The following SULF2 variants were observed in gnomAD, a reference collection of about 807,000 sequenced individuals.
SULF2 encodes the protein sulfatase 2.
A neutral mutation model predicts 107.7 loss-of-function variants in SULF2; 52 were observed. That is an observed-to-expected ratio of 0.48 (90% CI 0.39 to 0.61). SULF2 has a LOEUF of 0.61. Ranked by LOEUF, SULF2 falls within the 20% of genes least tolerant of loss-of-function variation. The probability of loss-of-function intolerance (pLI) is 0.00; values close to 1 mark genes in which losing one functional copy is unlikely to be tolerated. For missense variants in SULF2, 993 were observed against 1,177.3 expected (o/e 0.84, Z 2.29); for synonymous variants, 460 against 464.3 (o/e 0.99, Z 0.12).
At chr20:47,731,341 C>T (rs2089606891) in intron 3 of SULF2, among the ~76,000 whole-genome samples, 1 of 151,720 alleles carries the variant, frequency 6.6e-6, no homozygotes, top group South Asian at 2.1e-4. Context: ...TACAGGTGTA[C>T]ATCACCATGC....
chr20:47,745,438 TATATATATATATATATATAC>T (rs1410743026), intron 2 of SULF2, among the ~76,000 whole-genome samples: 7 of 10,692 alleles, frequency 6.5e-4, no homozygotes, highest in Non-Finnish European at 9.0e-4. Flanking sequence ...TATATATATA[TATATATATATATATATATAC>T]ACATACACAC....
chr20:47,672,337 G>T lies in SULF2; in HGVS notation c.1437C>A (p.Gly479=). The part of the protein sequence containing the change: ...TGKLKLHKCK[G]PMRLGGSRAL... Reference sequence around the variant, plus strand: ...CTCTGCTGCCGCCCAGCCGCATGGGGCCCTTGCACTTATGCAGCTTCAGCT... The same window carrying T: ...CTCTGCTGCCGCCCAGCCGCATGGGTCCCTTGCACTTATGCAGCTTCAGCT... Residue 479 remains glycine (G), a synonymous_variant, in exon 11 of 21, where the codon GGC becomes GGA. Transcript: ENST00000688720. The T allele has an allele frequency of 6.2e-7, 1 of 1,613,164 alleles. No individual in the cohort carries two copies. The highest frequency in any genetic ancestry group is 1.7e-5 in the Admixed American group (1 of 60,012).
intron 3 of SULF2, among the ~76,000 whole-genome samples, chr20:47,709,209 T>C (rs2088843424): frequency 6.6e-6 from 1 of 152,104 alleles, no homozygotes; most frequent in Non-Finnish European, 1.5e-5. Context: ...CCTGGGAAGC[T>C]TGGATTCGCT....
intron 18 of SULF2, among the ~76,000 whole-genome samples, chr20:47,660,223 A>G (rs1327044394): frequency 6.6e-6 from 1 of 152,242 alleles, no homozygotes; most frequent in Non-Finnish European, 1.5e-5. Context: ...TTATCAGCTA[A>G]CACATGTAAA....
At chr20:47,702,711 C>G (rs1435756060) in intron 3 of SULF2, 41 bp from the exon 4 acceptor site, 1 of 1,603,908 alleles carries the variant, frequency 6.2e-7, no homozygotes. Context: ...TGAGAAAGTG[C>G]CTGACGATGT....
chr20:47,661,787 C>T lies in SULF2; in HGVS notation c.2480G>A (p.Arg827Gln), dbSNP rs368606487. Reference sequence around the variant, plus strand: ...TGCCTACTCACCCAGGTCCATGTTTCGAGTCCGGGGGTTACACTGCTTGTA... The same window carrying T: ...TGCCTACTCACCCAGGTCCATGTTTTGAGTCCGGGGGTTACACTGCTTGTA... ...KGYKQCNPRTRNMDLGLKDGG... is the reference protein window; with the variant it reads ...KGYKQCNPRTQNMDLGLKDGG... The change falls in exon 18 of 21, where the codon CGA becomes CAA. Residue 827 changes from arginine (R) to glutamine (Q), a missense_variant. Physicochemically the swap from Arg to Gln is conservative, Grantham distance 43. Coordinates refer to ENST00000688720, the MANE Select transcript of SULF2 (RefSeq NM_001387048.1). 6.6e-5 allele frequency: 102 copies of T among 1,545,588 alleles called. No homozygotes were observed. Among genetic ancestry groups the T allele is most frequent in the Non-Finnish European group, 8.3e-5 (94 of 1,133,496 alleles).
In SULF2 at chr20:47,672,157, C is replaced by T. The variant is rs779854018; in HGVS notation, c.1576+41G>A. Reference sequence around the variant, plus strand: ...ATGAATGGGGCCCCCCAGGCATGGTCTCTCTCCTCCTGTCCCACTCAGCCA... The same window carrying T: ...ATGAATGGGGCCCCCCAGGCATGGTTTCTCTCCTCCTGTCCCACTCAGCCA... On this transcript the variant is annotated intron_variant, in intron 11 of 20. Transcript: ENST00000688720. The T allele has an allele frequency of 1.9e-6, 3 of 1,557,474 alleles. No homozygotes were observed. The South Asian group carries it at 3.6e-5, about 18-fold the overall frequency.
intron 2 of SULF2, among the ~76,000 whole-genome samples, chr20:47,749,309 A>G (rs1284340477): frequency 6.6e-6 from 1 of 152,204 alleles, no homozygotes; most frequent in Admixed American, 6.5e-5. Flanking sequence ...CCTAATCCTG[A>G]TACACTTAAC....
In SULF2 at chr20:47,658,131, G is replaced by T; in HGVS notation, c.*231C>A. ...ACGAAAAAATGCATTTTGTGCAGCT[G>T]GTGAGGTATAATCCAAAGCAAAAGC... On this transcript the variant is annotated 3_prime_UTR_variant, in exon 21 of 21. Transcript: ENST00000688720. 1.8e-6 allele frequency: 1 copy of T among 566,818 alleles called. No individual in the cohort carries two copies. Among genetic ancestry groups the T allele is most frequent in the Non-Finnish European group, 3.1e-6 (1 of 317,716 alleles). 35.1% of individuals were successfully genotyped at this position (566,818 alleles called of 1,614,324 possible). A position where few individuals can be genotyped will look rare whatever the true frequency, so the allele number is the denominator to read the frequency against.
At position 47,661,824 on chromosome 20, in the gene SULF2, T is replaced by C. The variant is rs879154471; in HGVS notation, c.2443A>G (p.Ser815Gly). 2 of 1,591,694 alleles carry C rather than the reference T, an allele frequency of 1.3e-6. No individual in the cohort carries two copies. Among genetic ancestry groups the C allele is most frequent in the South Asian group, 1.1e-5 (1 of 88,406 alleles). Residue 815 changes from serine (S) to glycine (G), a missense_variant, in exon 18 of 21, where the codon AGC becomes GGC. This residue lies in a region of SULF2 where 497 missense variants were observed against 544.1 expected (regional missense o/e 0.91). Coordinates refer to ENST00000688720, the MANE Select transcript of SULF2 (RefSeq NM_001387048.1). ...TTACACTGCTTGTAACCCTTGCAGC[T>C]CCTCAGCTCCATGAGCTGTACGTGT... ...QLHVQLMELRSCKGYKQCNPR... is the reference protein window; with the variant it reads ...QLHVQLMELRGCKGYKQCNPR...
intron 11 of SULF2, among the ~76,000 whole-genome samples, chr20:47,668,781 C>T (rs1206397075): frequency 6.6e-6 from 1 of 152,162 alleles, no homozygotes; most frequent in Non-Finnish European, 1.5e-5. Flanking sequence ...CACTCCCTGC[C>T]TCTCCACGCC....
chr20:47,730,162 C>G (rs923076701), intron 3 of SULF2, among the ~76,000 whole-genome samples: 1 of 152,188 alleles, frequency 6.6e-6, no homozygotes, highest in East Asian at 1.9e-4. Flanking sequence ...CTGGGGCGCT[C>G]AGGGCCAAAC....
chr20:47,723,222 T>C (rs1425471673), intron 3 of SULF2, among the ~76,000 whole-genome samples: 1 of 149,384 alleles, frequency 6.7e-6, no homozygotes, highest in Non-Finnish European at 1.5e-5. Context: ...CCAGCCTGGG[T>C]GGCAGAGTGA....
At chr20:47,745,562 CTT>C (rs1314355123) in intron 2 of SULF2, among the ~76,000 whole-genome samples, 1 of 150,902 alleles carries the variant, frequency 6.6e-6, no homozygotes, top group Non-Finnish European at 1.5e-5. Context: ...GAGTTTCTCT[CTT>C]GTCACCCAGG....
At chr20:47,703,807 C>T (rs1013884837) in intron 3 of SULF2, among the ~76,000 whole-genome samples, 4 of 152,124 alleles carry the variant, frequency 2.6e-5, no homozygotes, top group Admixed American at 2.0e-4. Context: ...ATTTACAGAA[C>T]GGAAGGCTAC....
In SULF2 at chr20:47,661,780, C is replaced by T. The variant is rs772434864; in HGVS notation, c.2487G>A (p.Met829Ile). 6.5e-7 allele frequency: 1 copy of T among 1,541,486 alleles called. No individual in the cohort carries two copies. Among genetic ancestry groups the T allele is most frequent in the Admixed American group, 1.8e-5 (1 of 56,028 alleles). ...GTTGGGGTGCCTACTCACCCAGGTC[C>T]ATGTTTCGAGTCCGGGGGTTACACT... is the stretch of plus-strand genomic sequence containing the variant. ...YKQCNPRTRN[M>I]DLGLKDGGSY... Residue 829 changes from methionine to isoleucine, a missense_variant, in exon 18 of 21, where the codon ATG (methionine) becomes ATA (isoleucine). Met to Ile is a conservative substitution (Grantham distance 10, BLOSUM62 1). Transcript: ENST00000688720.
intron 1 of SULF2, among the ~76,000 whole-genome samples, chr20:47,778,787 G>T (rs919162569): frequency 6.6e-6 from 1 of 152,162 alleles, no homozygotes; most frequent in Non-Finnish European, 1.5e-5. Flanking sequence ...GAGCATGTGG[G>T]ATATGCTAAA....
rs775053806 is a variant in SULF2, at chr20:47,758,814, C to A, written c.-100-1351G>T. ...AGCCTGCAGATGTGCCGGGAGGAAGCCAAGTGCTGTGGGGGTGGCTGTGTT... is the reference window on the plus strand; with the variant it reads ...AGCCTGCAGATGTGCCGGGAGGAAGACAAGTGCTGTGGGGGTGGCTGTGTT... On this transcript the variant is annotated intron_variant, in intron 1 of 20. Transcript: ENST00000688720. Among the ~76,000 whole-genome samples, 62 of 152,180 alleles carry A rather than the reference C, an allele frequency of 4.1e-4. 1 individual carries two copies. The highest frequency in any genetic ancestry group is 8.8e-5 in the Non-Finnish European group (6 of 68,030).
intron 4 of SULF2, among the ~76,000 whole-genome samples, chr20:47,700,257 CA>C (rs1462090351): frequency 6.6e-6 from 1 of 152,184 alleles, no homozygotes; most frequent in Non-Finnish European, 1.5e-5. Flanking sequence ...TTTTTGTAAA[CA>C]AAGCTTCCTT....
Sources: gnomAD v4.1 joint callset for allele counts (sites outside exome capture counted in the v4.1 genomes callset) on GRCh38, gnomAD v4.1.1 for gene constraint, gnomAD v4.1.1 regional missense constraint, MANE v1.5 for transcripts, NCBI Gene and HGNC (gene_info 2026-07-23, HGNC 2026-07-21) for gene names.